TLN2: variants seen among roughly 807,000 people sequenced by gnomAD.
TLN2 encodes the protein talin-2.
A neutral mutation model predicts 294.7 loss-of-function variants in TLN2; 118 were observed. The ratio of observed to expected loss-of-function variants is 0.40; its 90% CI spans 0.34 to 0.47. The LOEUF (loss-of-function observed/expected upper bound fraction) is 0.47. Among genes scored for constraint, TLN2 ranks in the 20% least tolerant of loss-of-function variants. The probability of loss-of-function intolerance (pLI) is 0.84; values close to 1 mark genes in which losing one functional copy is unlikely to be tolerated. For synonymous variants in TLN2, 1,431 were observed against 1,304.5 expected, an observed-to-expected ratio of 1.10 and a Z score of -2.09; for missense variants, 3,083 against 3,282.2, an observed-to-expected ratio of 0.94 and a Z score of 1.48.
chr15:62,694,429 C>T, intron 14 of TLN2, 37 bp downstream of exon 14: 1 of 1,579,072 alleles, frequency 6.3e-7, no homozygotes, highest in Admixed American at 1.7e-5. Flanking sequence ...ACCACCTTCT[C>T]CCTAGATAGG....
rs190930961 is a variant in TLN2 at position 62,667,070 on chromosome 15, G to A, written c.789-6757G>A. Among the ~76,000 whole-genome samples, 100 of 152,172 alleles carry A rather than the reference G, an allele frequency of 6.6e-4. No individual in the cohort carries two copies. The East Asian group carries it at 9.5e-3, about 14-fold the overall frequency. ...AAGCTCCGCCTCCCGGATTCAGGCCGTTCTCCTGCCTCAGCCTCCCGAGTA... is the reference window on the plus strand; with the variant it reads ...AAGCTCCGCCTCCCGGATTCAGGCCATTCTCCTGCCTCAGCCTCCCGAGTA... On this transcript the variant is annotated intron_variant, in intron 9 of 58. Transcript: ENST00000636159.
At chr15:62,749,801 G>A (rs895344332) in intron 33 of TLN2, among the ~76,000 whole-genome samples, 10 of 152,190 alleles carry the variant, frequency 6.6e-5, no homozygotes, top group African/African-American at 2.4e-4. Flanking sequence ...ATGGTTTTTG[G>A]TGGCTTAGAG....
chr15:62,720,109 G>A (rs146578546), intron 25 of TLN2, among the ~76,000 whole-genome samples: 3 of 152,350 alleles, frequency 2.0e-5, no homozygotes, highest in Admixed American at 6.5e-5. Flanking sequence ...CATATGTTCC[G>A]TTTTCCTCAG....
intron 4 of TLN2, among the ~76,000 whole-genome samples, chr15:62,649,046 C>G (rs529248867): frequency 6.6e-6 from 1 of 151,884 alleles, no homozygotes; most frequent in Admixed American, 6.5e-5. Flanking sequence ...CAAGGTCTTG[C>G]TATGTTGCCC....
At chr15:62,561,787 T>G (rs1255390150) in intron 1 of TLN2, among the ~76,000 whole-genome samples, 1 of 152,156 alleles carries the variant, frequency 6.6e-6, no homozygotes, top group Non-Finnish European at 1.5e-5. Flanking sequence ...CCCAGCCAGT[T>G]GAGCCACTGA....
Position 62,414,163 on chromosome 15 carries a change from ACTATAT to A in TLN2, c.-238+23479_-238+23484del, listed in dbSNP as rs1242784645. On this transcript the variant is annotated intron_variant, in intron 1 of 58. Transcript: ENST00000636159. ...CAGTGAAGTGTTAGCAAAAAAAAAA[ACTATAT>A]ATATATATATATATATATATATAAT... Among the ~76,000 whole-genome samples the A allele has an allele frequency of 2.9e-3, 109 of 37,368 alleles. 16 individuals are homozygous for A. The highest frequency in any genetic ancestry group is 5.1e-3 in the Non-Finnish European group (83 of 16,230). The allele number at this position is 37,368 out of a possible 152,430, so 24.5% of individuals were successfully genotyped here. A position where few individuals can be genotyped will look rare whatever the true frequency, so the allele number is the denominator to read the frequency against.
Position 62,756,730 on chromosome 15 carries a change from T to G in TLN2, c.4638+1037T>G, listed in dbSNP as rs533844291. Among the ~76,000 whole-genome samples, 10 of 152,232 alleles carry G rather than the reference T, an allele frequency of 6.6e-5. No homozygotes were observed. In the South Asian group the frequency reaches 1.5e-3, roughly 22 times the overall value. On this transcript the variant is annotated intron_variant, in intron 37 of 58. Transcript: ENST00000636159. ...AGGACACTGCACACCTCATTTTGTT[T>G]TGACTACAAAAAGCCAGTGCAATTG...
At chr15:62,495,647 T>A (rs1032068520) in intron 1 of TLN2, among the ~76,000 whole-genome samples, 1 of 152,258 alleles carries the variant, frequency 6.6e-6, no homozygotes, top group African/African-American at 2.4e-5. Flanking sequence ...GTAGGAAAAT[T>A]TGAAATGCTG....
At chr15:62,807,961 G>A (rs62004651) in intron 51 of TLN2, among the ~76,000 whole-genome samples, 3 of 152,136 alleles carry the variant, frequency 2.0e-5, no homozygotes, top group African/African-American at 2.4e-5. Flanking sequence ...GAAAGGGAGC[G>A]CATGCAATAA....
At chr15:62,562,433 A>G (rs530798908) in intron 1 of TLN2, among the ~76,000 whole-genome samples, 1 of 152,320 alleles carries the variant, frequency 6.6e-6, no homozygotes, top group African/African-American at 2.4e-5. Flanking sequence ...GAAATCATAC[A>G]GGTGCTGGTG....
At chr15:62,810,649 T>C (rs754599993) in intron 52 of TLN2, among the ~76,000 whole-genome samples, 9 of 152,092 alleles carry the variant, frequency 5.9e-5, no homozygotes, top group Non-Finnish European at 1.2e-4. Flanking sequence ...AGCCTCAGTT[T>C]GTGCAGTTCC....
At chr15:62,588,080 C>T (rs962982434) in intron 1 of TLN2, among the ~76,000 whole-genome samples, 34 of 152,156 alleles carry the variant, frequency 2.2e-4, no homozygotes, top group African/African-American at 7.2e-4. Context: ...CAGGGTTTCA[C>T]CGTGTTAGCC....
Position 62,776,900 on chromosome 15 carries a change from C to G in TLN2, c.5504C>G (p.Ala1835Gly). 6.3e-7 allele frequency: 1 copy of G among 1,574,804 alleles called. No homozygotes were observed. The highest frequency in any genetic ancestry group is 2.4e-5 in the East Asian group (1 of 42,452). The part of the protein sequence containing the change: ...VGGMVDAIAE[A>G]MSKLDEGTPP... ...GGCATGGTGGACGCCATTGCAGAAG[C>G]CATGAGCAAGGTGGGCATGGGCTCT... The change falls in exon 43 of 59, where the codon GCC becomes GGC. Residue 1835 changes from alanine to glycine, a missense_variant. By Grantham distance (60) the Ala-to-Gly change is moderately conservative. Transcript: ENST00000636159.
chr15:62,580,515 A>C (rs572913345), intron 1 of TLN2, among the ~76,000 whole-genome samples: 1 of 151,390 alleles, frequency 6.6e-6, no homozygotes, highest in African/African-American at 2.4e-5. Context: ...GGCTCAGGCA[A>C]TCCTCCTACC....
chr15:62,740,773 G>A lies in TLN2; in HGVS notation c.4025+4G>A. On this transcript the variant is annotated splice_donor_region_variant and intron_variant, in intron 32 of 58. Transcript: ENST00000636159. ...ATCTCCTGGCTGCAGCTGCAAGGTA[G>A]GAGTGGGACACAATGTGCTTTCGTG... 4 of 1,614,166 alleles carry A rather than the reference G, an allele frequency of 2.5e-6. No homozygotes were observed. The highest frequency in any genetic ancestry group is 3.4e-6 in the Non-Finnish European group (4 of 1,180,032).
chr15:62,810,014 C>T lies in TLN2; in HGVS notation c.6753C>T (p.Leu2251=), dbSNP rs776945846. The stretch of plus-strand genomic sequence containing the variant: ...AGTGCACCCTTGGCTACTTGGACCT[C>T]CTGGAGCACGTCTTGGTGGTAAGAA... ...GTECTLGYLD[L]LEHVLVILQK... The change falls in exon 52 of 59, where the codon CTC becomes CTT. Residue 2251 remains leucine (L), a synonymous_variant. Transcript: ENST00000636159. 3 of 1,614,046 alleles carry T rather than the reference C, an allele frequency of 1.9e-6. No individual in the cohort carries two copies. In the South Asian group the frequency reaches 3.3e-5, roughly 18 times the overall value.
At chr15:62,722,018 A>G (rs1442972995) in intron 25 of TLN2, among the ~76,000 whole-genome samples, 1 of 152,218 alleles carries the variant, frequency 6.6e-6, no homozygotes, top group Non-Finnish European at 1.5e-5. Context: ...GACTCAGAAT[A>G]AAGAGCTATT....
At chr15:62,509,502 A>G (rs574803141) in intron 1 of TLN2, among the ~76,000 whole-genome samples, 2 of 152,346 alleles carry the variant, frequency 1.3e-5, no homozygotes, top group South Asian at 4.1e-4. Flanking sequence ...AGCAGAATCT[A>G]GATTCCAAAT....
chr15:62,410,102 C>T (rs556982698), intron 1 of TLN2, among the ~76,000 whole-genome samples: 8 of 152,082 alleles, frequency 5.3e-5, no homozygotes, highest in East Asian at 3.9e-4. Flanking sequence ...ATTAGCCGGG[C>T]GTGGTGGTGT....
Sources: allele counts gnomAD v4.1 joint callset (sites outside exome capture counted in the v4.1 genomes callset), GRCh38; gene constraint gnomAD v4.1.1; transcripts MANE v1.5; gene names NCBI Gene and HGNC (gene_info 2026-07-23, HGNC 2026-07-21).